The following ATRNL1 variants were observed in gnomAD, a reference collection of about 807,000 sequenced individuals.
ATRNL1 encodes attractin-like protein 1.
In ATRNL1, 95 loss-of-function variants were observed where a neutral mutation model predicts 182.7. The ratio of observed to expected loss-of-function variants is 0.52; its 90% CI spans 0.44 to 0.62. ATRNL1 has a LOEUF of 0.62. ATRNL1 is among the 20% of genes least tolerant of loss of function. ATRNL1 has a pLI of 0.00. For synonymous variants in ATRNL1, 576 were observed against 568.3 expected (o/e 1.01, Z -0.19); for missense variants, 1,471 against 1,679.5 (o/e 0.88, Z 2.17).
At chr10:115,442,228 T>A (rs1592663833) in intron 21 of ATRNL1, among the ~76,000 whole-genome samples, 1 of 150,878 alleles carries the variant, frequency 6.6e-6, no homozygotes, top group East Asian at 1.9e-4. Context: ...TGGAATTATT[T>A]TTTTTTCCTC....
intron 28 of ATRNL1, among the ~76,000 whole-genome samples, chr10:115,925,681 A>T (rs1555119928): frequency 6.6e-6 from 1 of 152,196 alleles, no homozygotes; most frequent in African/African-American, 2.4e-5. Flanking sequence ...GCATTACATA[A>T]CGGTAGAGGG....
intron 19 of ATRNL1, among the ~76,000 whole-genome samples, chr10:115,389,509 A>AG (rs1325163047): frequency 2.9e-5 from 4 of 137,516 alleles, no homozygotes; most frequent in Non-Finnish European, 4.7e-5. Context: ...TCAAAAAAAA[A>AG]AAAAGCTGAA....
intron 20 of ATRNL1, among the ~76,000 whole-genome samples, chr10:115,406,678 G>A (rs1844846482): frequency 6.6e-6 from 1 of 151,950 alleles, no homozygotes; most frequent in Non-Finnish European, 1.5e-5. Context: ...CTCTTTTTAT[G>A]ATGTAGTATT....
chr10:115,723,466 AT>A (rs2134050094), intron 26 of ATRNL1, among the ~76,000 whole-genome samples: 1 of 152,294 alleles, frequency 6.6e-6, no homozygotes, highest in South Asian at 2.1e-4. Context: ...AATTATCTGT[AT>A]TCATATTTGA....
chr10:115,553,882 A>G (rs1853151252), intron 26 of ATRNL1, among the ~76,000 whole-genome samples: 1 of 151,556 alleles, frequency 6.6e-6, no homozygotes, highest in African/African-American at 2.4e-5. Context: ...TCATCTAAGT[A>G]ATATTAATGC....
intron 27 of ATRNL1, among the ~76,000 whole-genome samples, chr10:115,835,784 G>C (rs1950655752): frequency 6.6e-6 from 1 of 152,296 alleles, no homozygotes; most frequent in Non-Finnish European, 1.5e-5. Context: ...TCTGCTGAGA[G>C]AAGCTGCCTC....
intron 5 of ATRNL1, among the ~76,000 whole-genome samples, chr10:115,147,041 A>C (rs1846005434): frequency 6.6e-6 from 1 of 151,996 alleles, no homozygotes; most frequent in South Asian, 2.1e-4. Context: ...TTTTTTGAGG[A>C]GTTTCCATAC....
chr10:115,201,981 C>A (rs1271794805), intron 8 of ATRNL1, among the ~76,000 whole-genome samples: 8 of 151,872 alleles, frequency 5.3e-5, no homozygotes, highest in Admixed American at 1.3e-4. Flanking sequence ...GTATTTTATT[C>A]TCTTTGAAGC....
At chr10:115,702,308 C>T (rs782804434) in intron 26 of ATRNL1, among the ~76,000 whole-genome samples, 3 of 151,970 alleles carry the variant, frequency 2.0e-5, no homozygotes, top group Non-Finnish European at 4.4e-5. Flanking sequence ...CCACAGCCAA[C>T]ATAATACTGA....
chr10:115,481,835 A>C (rs1484403520), intron 24 of ATRNL1, among the ~76,000 whole-genome samples: 1 of 150,946 alleles, frequency 6.6e-6, no homozygotes, highest in Non-Finnish European at 1.5e-5. Context: ...ATTTGAAAAA[A>C]ATATAACTAT....
intron 19 of ATRNL1, among the ~76,000 whole-genome samples, chr10:115,378,299 G>A (rs1348910345): frequency 6.6e-6 from 1 of 152,110 alleles, no homozygotes; most frequent in Non-Finnish European, 1.5e-5. Flanking sequence ...TAACAGACAC[G>A]CCCATCTGTA....
chr10:115,130,133 G>C (rs1250414842), intron 5 of ATRNL1, among the ~76,000 whole-genome samples: 1 of 151,970 alleles, frequency 6.6e-6, no homozygotes, highest in East Asian at 1.9e-4. Context: ...TTATTTATCT[G>C]TATATAAAAT....
chr10:115,296,316 C>T (rs576567630), intron 15 of ATRNL1, among the ~76,000 whole-genome samples: 61 of 152,282 alleles, frequency 4.0e-4, no homozygotes, highest in Non-Finnish European at 6.2e-4. Context: ...CCAGCACTCT[C>T]CCTTCGACAC....
intron 27 of ATRNL1, among the ~76,000 whole-genome samples, chr10:115,758,925 A>G (rs1210179248): frequency 6.6e-6 from 1 of 152,268 alleles, no homozygotes; most frequent in Non-Finnish European, 1.5e-5. Context: ...TTTATAGAGT[A>G]GATGCAACAG....
intron 13 of ATRNL1, among the ~76,000 whole-genome samples, chr10:115,279,769 A>G (rs1221158008): frequency 2.6e-5 from 4 of 152,162 alleles, no homozygotes; most frequent in Non-Finnish European, 5.9e-5. Flanking sequence ...CCAATGTTCA[A>G]TTTCCAATTG....
chr10:115,779,396 C>T (rs577927200), intron 27 of ATRNL1, among the ~76,000 whole-genome samples: 58 of 152,246 alleles, frequency 3.8e-4, no homozygotes, highest in Non-Finnish European at 6.6e-4. Flanking sequence ...TTAAAGCTAG[C>T]GGAATGCCTC....
At chr10:115,423,549 CA>C (rs1487013568) in intron 20 of ATRNL1, among the ~76,000 whole-genome samples, 32 of 151,594 alleles carry the variant, frequency 2.1e-4, no homozygotes, top group African/African-American at 7.3e-4. Context: ...AGCAAATGAA[CA>C]AACAAACAAA....
At chr10:115,158,353 C>A (rs1554882536) in intron 5 of ATRNL1, among the ~76,000 whole-genome samples, 3 of 151,910 alleles carry the variant, frequency 2.0e-5, no homozygotes, top group African/African-American at 7.2e-5. Context: ...CTCAGCTCTG[C>A]TAAAGCAGCC....
At chr10:115,238,618 G>GT (rs1189162096) in intron 9 of ATRNL1, among the ~76,000 whole-genome samples, 6 of 151,916 alleles carry the variant, frequency 3.9e-5, no homozygotes, top group African/African-American at 7.2e-5. Flanking sequence ...GTTCTAGAGG[G>GT]TTTTTTTGGT....
Sources: allele counts gnomAD v4.1 joint callset (sites outside exome capture counted in the v4.1 genomes callset), GRCh38; gene constraint gnomAD v4.1.1; transcripts MANE v1.5; gene names NCBI Gene and HGNC (gene_info 2026-07-23, HGNC 2026-07-21).